The following PITPNC1 variants were observed in gnomAD, a reference collection of about 807,000 sequenced individuals.
PITPNC1 encodes the protein cytoplasmic phosphatidylinositol transfer protein 1.
A neutral mutation model predicts 44.7 loss-of-function variants in PITPNC1; 18 were observed. That is an observed-to-expected ratio of 0.40 (90% CI 0.28 to 0.60). PITPNC1 has a LOEUF of 0.60. PITPNC1 is among the 20% of genes least tolerant of loss of function. The probability of loss-of-function intolerance (pLI) is 0.39; values close to 1 mark genes in which losing one functional copy is unlikely to be tolerated. For missense variants in PITPNC1, 290 were observed against 418.4 expected (o/e 0.69, Z 2.68); for synonymous variants, 141 against 149.6 (o/e 0.94, Z 0.42).
At chr17:67,580,239 T>C (rs2041211016) in intron 5 of PITPNC1, among the ~76,000 whole-genome samples, 1 of 152,246 alleles carries the variant, frequency 6.6e-6, no homozygotes, top group South Asian at 2.1e-4. Flanking sequence ...TCACTGGATA[T>C]TGAAGTAAGC....
intron 8 of PITPNC1, among the ~76,000 whole-genome samples, chr17:67,682,600 G>A (rs1443001208): frequency 6.6e-6 from 1 of 152,202 alleles, no homozygotes; most frequent in Non-Finnish European, 1.5e-5. Context: ...CAGGGCATGT[G>A]TGTTCCCAAA....
rs1054595917 is a variant in PITPNC1 at position 67,676,977 on chromosome 17, G to A, written c.682+1435G>A. ...GCCGCTCTCATACCGCAAAAGCACT[G>A]GCTTGCCACATTGTCATGTAGTCTC... On this transcript the variant is annotated intron_variant, in intron 8 of 8. Coordinates refer to ENST00000581322, the MANE Select transcript of PITPNC1 (RefSeq NM_012417.4). The surrounding 1 kb of genome is among the most constrained non-coding windows in gnomAD (Gnocchi z 4.0). 2.6e-5 allele frequency among the ~76,000 whole-genome samples: 4 copies of A among 152,024 alleles called. No homozygotes were observed. Among genetic ancestry groups the A allele is most frequent in the African/African-American group, 9.7e-5 (4 of 41,394 alleles).
chr17:67,468,306 C>T (rs2039456229), intron 1 of PITPNC1, among the ~76,000 whole-genome samples: 1 of 151,978 alleles, frequency 6.6e-6, no homozygotes, highest in African/African-American at 2.4e-5. Flanking sequence ...GTTAGCAACA[C>T]TGGGGGCGTG....
chr17:67,431,547 C>T (rs1458723822), intron 1 of PITPNC1, among the ~76,000 whole-genome samples: 6 of 152,030 alleles, frequency 3.9e-5, no homozygotes, highest in African/African-American at 1.5e-4. Flanking sequence ...GTGGTTTTGG[C>T]CAGAGATATT....
At chr17:67,628,194 C>T (rs1458287022) in intron 5 of PITPNC1, among the ~76,000 whole-genome samples, 3 of 152,032 alleles carry the variant, frequency 2.0e-5, no homozygotes, top group Admixed American at 6.6e-5. Flanking sequence ...TAAGCCACTG[C>T]GGCCAGCTGA....
At chr17:67,514,232 C>T (rs1383555172) in intron 1 of PITPNC1, among the ~76,000 whole-genome samples, 5 of 151,994 alleles carry the variant, frequency 3.3e-5, no homozygotes. Flanking sequence ...TGGAGTCTCG[C>T]TCTGTCTTCG....
chr17:67,616,845 C>T (rs1479865980), intron 5 of PITPNC1, among the ~76,000 whole-genome samples: 1 of 152,182 alleles, frequency 6.6e-6, no homozygotes, highest in Non-Finnish European at 1.5e-5. Context: ...CGTTCGTCAG[C>T]GGCTTTTTAT....
At chr17:67,473,106 G>C (rs2039569467) in intron 1 of PITPNC1, among the ~76,000 whole-genome samples, 1 of 152,068 alleles carries the variant, frequency 6.6e-6, no homozygotes, top group African/African-American at 2.4e-5. Context: ...GCGATCTCCT[G>C]ACCTCGTGAT....
At chr17:67,399,039 C>T (rs924810102) in intron 1 of PITPNC1, among the ~76,000 whole-genome samples, 4 of 128,788 alleles carry the variant, frequency 3.1e-5, no homozygotes, top group Non-Finnish European at 6.2e-5. Context: ...TTTTGAGACG[C>T]AGTCGCGCTC....
chr17:67,530,680 G>A (rs2040449589), intron 1 of PITPNC1, among the ~76,000 whole-genome samples: 1 of 152,178 alleles, frequency 6.6e-6, no homozygotes, highest in South Asian at 2.1e-4. Flanking sequence ...TTCTATGGCT[G>A]AATAATATCC....
chr17:67,623,184 C>T (rs190502202), intron 5 of PITPNC1, among the ~76,000 whole-genome samples: 5 of 148,156 alleles, frequency 3.4e-5, no homozygotes, highest in Admixed American at 2.7e-4. Flanking sequence ...TCTCTTTAAT[C>T]GTATCTGAAG....
At chr17:67,478,223 G>GA (rs2039657333) in intron 1 of PITPNC1, among the ~76,000 whole-genome samples, 4 of 152,162 alleles carry the variant, frequency 2.6e-5, no homozygotes, top group Non-Finnish European at 5.9e-5. Flanking sequence ...CATCCCTGCT[G>GA]GACTTGAGTT....
intron 1 of PITPNC1, among the ~76,000 whole-genome samples, chr17:67,443,481 A>C (rs1170569173): frequency 1.3e-5 from 2 of 151,724 alleles, no homozygotes; most frequent in East Asian, 3.8e-4. Flanking sequence ...CCCTAGTTCC[A>C]CTGCCAGCTC....
At chr17:67,650,160 A>G (rs925865875) in intron 6 of PITPNC1, among the ~76,000 whole-genome samples, 3 of 152,110 alleles carry the variant, frequency 2.0e-5, no homozygotes, top group African/African-American at 7.2e-5. Context: ...CACCCCCATC[A>G]CTCAGGAAAT....
chr17:67,426,606 T>A (rs533961469), intron 1 of PITPNC1, among the ~76,000 whole-genome samples: 1 of 142,504 alleles, frequency 7.0e-6, no homozygotes, highest in East Asian at 2.1e-4. Flanking sequence ...CGGGGCCTGT[T>A]GGAGGGTGGG....
rs144688595 is a variant in PITPNC1, at chr17:67,510,063, G to A, written c.49-22739G>A. Among the ~76,000 whole-genome samples the A allele has an allele frequency of 7.5e-3, 1,146 of 152,336 alleles. 35 individuals carry two copies. The South Asian group carries it at 0.11, about 14-fold the overall frequency. ...GATAGGAGGTTCCTCCTATTGGGAG[G>A]CTTCCAGTCAGTATCTTAGATCTCT... On this transcript the variant is annotated intron_variant, in intron 1 of 8. Transcript: ENST00000581322.
intron 2 of PITPNC1, among the ~76,000 whole-genome samples, chr17:67,539,093 C>T (rs567168480): frequency 6.6e-6 from 1 of 151,706 alleles, no homozygotes; most frequent in East Asian, 1.9e-4. Flanking sequence ...TATTGGAAAA[C>T]ACAAAATAAA....
At chr17:67,495,037 GTTGTTTTTTTTTTTGTTTT>G (rs2039926125) in intron 1 of PITPNC1, among the ~76,000 whole-genome samples, 2 of 79,376 alleles carry the variant, frequency 2.5e-5, no homozygotes, top group African/African-American at 9.5e-5. Context: ...GAGCCATGGA[GTTGTTTTTTTTTTTGTTTT>G]TTTTTTTTTT....
intron 6 of PITPNC1, among the ~76,000 whole-genome samples, chr17:67,656,764 T>TA (rs2042273636): frequency 6.6e-6 from 1 of 152,200 alleles, no homozygotes; most frequent in Non-Finnish European, 1.5e-5. Flanking sequence ...TTGAGGTTTA[T>TA]AAACCTCTTT....
Sources: allele counts gnomAD v4.1 joint callset (sites outside exome capture counted in the v4.1 genomes callset), GRCh38; gene constraint gnomAD v4.1.1; non-coding constraint Gnocchi (gnomAD v3.1); transcripts MANE v1.5; gene names NCBI Gene and HGNC (gene_info 2026-07-23, HGNC 2026-07-21).